SHISAL1: variants seen among roughly 807,000 people sequenced by gnomAD.
The protein encoded by SHISAL1 is shisa like 1.
SHISAL1 carries 9 observed loss-of-function variants against 22.6 expected under a neutral mutation model. The ratio of observed to expected loss-of-function variants is 0.40; its 90% CI spans 0.24 to 0.70. The LOEUF (loss-of-function observed/expected upper bound fraction) is 0.70. Among genes scored for constraint, SHISAL1 ranks in the 30% least tolerant of loss-of-function variants. SHISAL1 has a pLI of 0.39. For synonymous variants in SHISAL1, 119 were observed against 115.4 expected, an observed-to-expected ratio of 1.03 and a Z score of -0.20; for missense variants, 246 against 270.6, an observed-to-expected ratio of 0.91 and a Z score of 0.64.
the SHISAL1 span, among the ~76,000 whole-genome samples, chr22:44,318,135 G>A: frequency 6.6e-6 from 1 of 152,270 alleles, no homozygotes; most frequent in Admixed American, 6.5e-5. Context: ...GGGCAGACAA[G>A]CCTCTATCCC....
At chr22:44,266,528 A>ATGGGTATGTGTGTGTG (rs370971639) in intron 4 of SHISAL1, among the ~76,000 whole-genome samples, 1,204 of 108,364 alleles carry the variant, frequency 0.011, 29 homozygotes, top group African/African-American at 0.043. Context: ...GCTTTGGGGT[A>ATGGGTATGTGTGTGTG]TGTGTGTGTG....
the SHISAL1 span, among the ~76,000 whole-genome samples, chr22:44,321,137 G>C: frequency 2.0e-5 from 3 of 152,168 alleles, no homozygotes; most frequent in Non-Finnish European, 4.4e-5. Context: ...AGCAGTGAGA[G>C]TGGCAGTGCT....
At chr22:44,330,206 A>G in the SHISAL1 span, among the ~76,000 whole-genome samples, 2 of 152,240 alleles carry the variant, frequency 1.3e-5, no homozygotes, top group East Asian at 3.8e-4. Context: ...GGGGTTTCTC[A>G]GAGTGAGCTC....
chr22:44,291,190 C>T (rs903378267), intron 3 of SHISAL1, among the ~76,000 whole-genome samples: 3 of 152,206 alleles, frequency 2.0e-5, no homozygotes, highest in Admixed American at 1.3e-4. Flanking sequence ...CCATCCTACC[C>T]GGGATAGGGG....
chr22:44,330,651 C>A, the SHISAL1 span, among the ~76,000 whole-genome samples: 1 of 148,822 alleles, frequency 6.7e-6, no homozygotes, highest in Non-Finnish European at 1.5e-5. Context: ...GACGCGCTGG[C>A]TTTTTCCCCC....
intron 4 of SHISAL1, among the ~76,000 whole-genome samples, chr22:44,255,848 G>T (rs2147269289): frequency 1.3e-5 from 2 of 152,132 alleles, no homozygotes; most frequent in Middle Eastern, 6.8e-3. Context: ...GGTTTGTTTT[G>T]TATCAACCTG....
chr22:44,330,819 C>T, the SHISAL1 span, among the ~76,000 whole-genome samples: 1 of 152,320 alleles, frequency 6.6e-6, no homozygotes, highest in Admixed American at 6.5e-5. Context: ...GCCACCCCAG[C>T]CCCGGGCGCG....
chr22:44,245,246 A>G lies in SHISAL1; in HGVS notation c.*4439T>C, dbSNP rs944123262. 2 of 152,178 alleles carry G rather than the reference A, an allele frequency of 1.3e-5. No individual in the cohort carries two copies. Among genetic ancestry groups the G allele is most frequent in the African/African-American group, 4.8e-5 (2 of 41,452 alleles). 9.4% of individuals were successfully genotyped at this position (152,178 alleles called of 1,614,324 possible). ...CCCACGTGGATGTCTCCCTACAGTG[A>G]TAGGGGGCCCTTCAACATTGATAAG... On this transcript the variant is annotated 3_prime_UTR_variant, in exon 5 of 5. Transcript: ENST00000381176.
chr22:44,326,760 A>G, the SHISAL1 span, among the ~76,000 whole-genome samples: 2 of 152,126 alleles, frequency 1.3e-5, no homozygotes, highest in African/African-American at 2.4e-5. Context: ...CGCCCTGTTC[A>G]GGTTGATGTC....
intron 2 of SHISAL1, among the ~76,000 whole-genome samples, chr22:44,297,246 C>A (rs1056292702): frequency 6.6e-6 from 1 of 152,212 alleles, no homozygotes; most frequent in African/African-American, 2.4e-5. Context: ...AGTCTGAGAT[C>A]CCACTTTACA....
chr22:44,263,961 A>G (rs959995106), intron 4 of SHISAL1, among the ~76,000 whole-genome samples: 1 of 152,214 alleles, frequency 6.6e-6, no homozygotes, highest in Non-Finnish European at 1.5e-5. Flanking sequence ...AGATGTGTGC[A>G]TTCACTTCAC....
intron 4 of SHISAL1, among the ~76,000 whole-genome samples, chr22:44,268,041 G>T (rs1307275135): frequency 6.6e-6 from 1 of 152,192 alleles, no homozygotes; most frequent in Non-Finnish European, 1.5e-5. Context: ...GACCTTTGGG[G>T]GCTTCCATTA....
At chr22:44,325,984 C>T in the SHISAL1 span, among the ~76,000 whole-genome samples, 1 of 151,950 alleles carries the variant, frequency 6.6e-6, no homozygotes, top group Non-Finnish European at 1.5e-5. Flanking sequence ...CCTTCCCTTC[C>T]CCCAACAAAC....
At chr22:44,252,851 C>G (rs963887309) in intron 4 of SHISAL1, among the ~76,000 whole-genome samples, 2 of 151,616 alleles carry the variant, frequency 1.3e-5, no homozygotes, top group Admixed American at 1.3e-4. Flanking sequence ...AAAAATTATC[C>G]GGGCGTGGTG....
rs7288724 is a variant in SHISAL1, at chr22:44,266,271, A to C, written c.*-16586T>G. On this transcript the variant is annotated intron_variant, in intron 4 of 4. Transcript: ENST00000381176. ...ATTGAGTCGGGAGAAAACATATTCA[A>C]AGCAGGGCTGCGGAGATGCTTAAGG... 3.1e-3 allele frequency among the ~76,000 whole-genome samples: 467 copies of C among 152,232 alleles called. 4 individuals are homozygous for C. Among genetic ancestry groups the C allele is most frequent in the African/African-American group, 0.01 (430 of 41,526 alleles).
chr22:44,318,051 C>T, the SHISAL1 span, among the ~76,000 whole-genome samples: 1 of 152,232 alleles, frequency 6.6e-6, no homozygotes, highest in Non-Finnish European at 1.5e-5. Flanking sequence ...AGGGGAAGGC[C>T]CCACATTCAG....
intron 4 of SHISAL1, among the ~76,000 whole-genome samples, chr22:44,269,442 C>T (rs942882454): frequency 1.4e-5 from 2 of 147,118 alleles, no homozygotes; most frequent in African/African-American, 5.1e-5. Context: ...AAGACACACA[C>T]ACACCATGCC....
chr22:44,331,003 C>T, the SHISAL1 span, among the ~76,000 whole-genome samples: 1 of 152,120 alleles, frequency 6.6e-6, no homozygotes, highest in Non-Finnish European at 1.5e-5. This position sits in a 1 kb window ranked among gnomAD's most constrained non-coding sequence, Gnocchi z 5.2. Flanking sequence ...CCCCGTGCAG[C>T]CCGCACGGGG....
chr22:44,266,883 G>A (rs964488679), intron 4 of SHISAL1, among the ~76,000 whole-genome samples: 10 of 152,192 alleles, frequency 6.6e-5, no homozygotes, highest in African/African-American at 1.7e-4. Flanking sequence ...TTTATAGGGC[G>A]CCACATAATC....
Sources: allele counts gnomAD v4.1 joint callset (sites outside exome capture counted in the v4.1 genomes callset), GRCh38; gene constraint gnomAD v4.1.1; non-coding constraint Gnocchi (gnomAD v3.1); transcripts MANE v1.5; gene names NCBI Gene and HGNC (gene_info 2026-07-23, HGNC 2026-07-21).